Variants in SYT10 observed in about 807,000 individuals in gnomAD.
The protein encoded by SYT10 is synaptotagmin 10.
In SYT10, 31 loss-of-function variants were observed where a neutral mutation model predicts 51.1. The ratio of observed to expected loss-of-function variants is 0.61; its 90% CI spans 0.46 to 0.82. The LOEUF (loss-of-function observed/expected upper bound fraction) is 0.82. SYT10 is among the 40% of genes least tolerant of loss of function. SYT10 has a pLI of 0.00. For synonymous variants in SYT10, 233 were observed against 225.9 expected (o/e 1.03, Z -0.28); for missense variants, 603 against 634.0 (o/e 0.95, Z 0.53).
intron 1 of SYT10, among the ~76,000 whole-genome samples, chr12:33,438,789 A>C (rs1866658151): frequency 6.6e-6 from 1 of 152,158 alleles, no homozygotes; most frequent in Non-Finnish European, 1.5e-5. Context: ...ACCCTAGAAA[A>C]TCATATATAT....
intron 3 of SYT10, among the ~76,000 whole-genome samples, chr12:33,404,149 A>G (rs1031343622): frequency 2.6e-5 from 4 of 152,180 alleles, no homozygotes; most frequent in Non-Finnish European, 5.9e-5. Flanking sequence ...GAATCTGTGA[A>G]TAATGTTACT....
rs369538344 is a variant in SYT10 at position 33,387,477 on chromosome 12, A to G, written c.1078-2186T>C. Among the ~76,000 whole-genome samples, 5 of 152,352 alleles carry G rather than the reference A, an allele frequency of 3.3e-5. No individual in the cohort carries two copies. In the South Asian group the frequency reaches 6.2e-4, roughly 19 times the overall value. Reference sequence around the variant, plus strand: ...ATGTTTTGTTTACTACTGTATTGCTAGCACATACAGCAGTGTCTTAGATAT... The same window carrying G: ...ATGTTTTGTTTACTACTGTATTGCTGGCACATACAGCAGTGTCTTAGATAT... On this transcript the variant is annotated intron_variant, in intron 3 of 6. Transcript: ENST00000228567.
At chr12:33,400,589 A>ATT (rs1555115325) in intron 3 of SYT10, among the ~76,000 whole-genome samples, 20 of 151,408 alleles carry the variant, frequency 1.3e-4, no homozygotes, top group South Asian at 4.2e-4. Context: ...AAAAAAAAAA[A>ATT]TTTCATTGAA....
intron 6 of SYT10, among the ~76,000 whole-genome samples, chr12:33,377,443 A>C (rs1866072982): frequency 6.6e-6 from 1 of 151,970 alleles, no homozygotes; most frequent in Admixed American, 6.6e-5. Context: ...TTCTAAACAC[A>C]AGAGACTGCA....
chr12:33,382,751 C>T (rs1255842202), intron 4 of SYT10, among the ~76,000 whole-genome samples: 1 of 152,126 alleles, frequency 6.6e-6, no homozygotes. Flanking sequence ...CTTAGCAACT[C>T]TGTACCTAGA....
chr12:33,377,318 G>T (rs1866071668), intron 6 of SYT10, among the ~76,000 whole-genome samples: 1 of 151,750 alleles, frequency 6.6e-6, no homozygotes, highest in African/African-American at 2.4e-5. Flanking sequence ...GATTACAGGC[G>T]CCCGCCACCA....
Position 33,382,342 on chromosome 12 carries a change from C to A in SYT10, c.1370+7G>T, listed in dbSNP as rs12821897. 3 of 1,585,094 alleles carry A rather than the reference C, an allele frequency of 1.9e-6. No individual in the cohort carries two copies. Among genetic ancestry groups the A allele is most frequent in the Non-Finnish European group, 2.6e-6 (3 of 1,167,002 alleles). ...CTGCTCTTCAGTGAGAAGAGAGATA[C>A]ACATACCTATCGTAATCCATGACCG... On this transcript the variant is annotated splice_region_variant and intron_variant, in intron 5 of 6. Transcript: ENST00000228567.
chr12:33,383,334 T>G (rs1437605461), intron 4 of SYT10, among the ~76,000 whole-genome samples: 1 of 152,138 alleles, frequency 6.6e-6, no homozygotes, highest in Non-Finnish European at 1.5e-5. Context: ...GTAGCACCAA[T>G]ATTTCTTTTT....
intron 4 of SYT10, 76 bp from the exon 5 acceptor site, chr12:33,382,596 C>G (rs1866125611): frequency 2.1e-5 from 28 of 1,354,370 alleles, no homozygotes; most frequent in Non-Finnish European, 2.1e-5. Context: ...TTTATTTTTA[C>G]TAAATAAGAC....
At chr12:33,399,156 C>A (rs1017672130) in intron 3 of SYT10, among the ~76,000 whole-genome samples, 2 of 152,168 alleles carry the variant, frequency 1.3e-5, no homozygotes, top group African/African-American at 4.8e-5. Context: ...TTTCAAACAA[C>A]CCCAAATATT....
chr12:33,419,449 G>A (rs1018704391), intron 2 of SYT10, among the ~76,000 whole-genome samples: 1 of 151,970 alleles, frequency 6.6e-6, no homozygotes, highest in African/African-American at 2.4e-5. Flanking sequence ...AGAAACAACT[G>A]GTTTTCTTCT....
At chr12:33,399,141 T>C (rs1374710737) in intron 3 of SYT10, among the ~76,000 whole-genome samples, 1 of 152,214 alleles carries the variant, frequency 6.6e-6, no homozygotes, top group East Asian at 1.9e-4. Context: ...AATCATCCTT[T>C]TGCTTTTCAA....
intron 1 of SYT10, among the ~76,000 whole-genome samples, chr12:33,432,061 ATTACT>A (rs1056291270): frequency 6.6e-6 from 1 of 152,112 alleles, no homozygotes; most frequent in Non-Finnish European, 1.5e-5. Flanking sequence ...TAGTTTTAAA[ATTACT>A]TTAACCTATT....
chr12:33,405,077 G>T (rs1444403124), intron 3 of SYT10: 3 of 151,766 alleles, frequency 2.0e-5, no homozygotes, highest in Non-Finnish European at 4.4e-5. Context: ...TTCATTGGCA[G>T]ATTATTTACC....
intron 2 of SYT10, among the ~76,000 whole-genome samples, chr12:33,410,306 C>T (rs910899834): frequency 7.9e-5 from 12 of 152,112 alleles, no homozygotes; most frequent in South Asian, 2.1e-4. Context: ...CATTCTCTTA[C>T]GTTTAATTTG....
intron 6 of SYT10, 114 bp downstream of exon 6, chr12:33,379,718 T>C (rs1866097181): frequency 7.3e-7 from 1 of 1,369,388 alleles, no homozygotes; most frequent in Admixed American, 2.3e-5. Flanking sequence ...CAATCTTTTC[T>C]ATTTTTTTTA....
chr12:33,396,687 CTT>C (rs1386693501), intron 3 of SYT10, among the ~76,000 whole-genome samples: 12 of 142,648 alleles, frequency 8.4e-5, no homozygotes, highest in Non-Finnish European at 6.2e-5. Context: ...TGGAATTCCA[CTT>C]TTTTTTTTTT....
chr12:33,430,148 T>C (rs535031925), intron 1 of SYT10, among the ~76,000 whole-genome samples: 12 of 152,352 alleles, frequency 7.9e-5, no homozygotes, highest in Admixed American at 4.6e-4. Context: ...TCTGGTTTGA[T>C]TACATACACA....
At chr12:33,433,245 T>C (rs1866611271) in intron 1 of SYT10, among the ~76,000 whole-genome samples, 1 of 152,148 alleles carries the variant, frequency 6.6e-6, no homozygotes, top group African/African-American at 2.4e-5. Context: ...TTTGATAGAT[T>C]CATACTAATG....
Sources: allele counts gnomAD v4.1 joint callset (sites outside exome capture counted in the v4.1 genomes callset), GRCh38; gene constraint gnomAD v4.1.1; transcripts MANE v1.5; gene names NCBI Gene and HGNC (gene_info 2026-07-23, HGNC 2026-07-21).